Variants in PDE11A observed in about 807,000 individuals in gnomAD.
PDE11A encodes the protein phosphodiesterase 11A, also known as dual 3',5'-cyclic-AMP and -GMP phosphodiesterase 11A.
PDE11A carries 100 observed loss-of-function variants against 100.5 expected under a neutral mutation model. The ratio of observed to expected loss-of-function variants is 1.00; its 90% confidence interval spans 0.85 to 1.18. PDE11A has a LOEUF of 1.18. Ranked by LOEUF, PDE11A falls within the 50% of genes most tolerant of loss-of-function variation. The pLI, the probability that PDE11A is intolerant of heterozygous loss-of-function variation, is 0.00. For missense variants in PDE11A, 1,141 were observed against 1,152.6 expected, an observed-to-expected ratio of 0.99 and a Z score of 0.15; for synonymous variants, 381 against 420.8, an observed-to-expected ratio of 0.91 and a Z score of 1.16.
At chr2:177,996,293 T>C (rs1173649421) in intron 2 of PDE11A, among the ~76,000 whole-genome samples, 20 of 151,146 alleles carry the variant, frequency 1.3e-4, no homozygotes, top group Admixed American at 1.3e-3. Flanking sequence ...TAAATAACAA[T>C]AATCATGTAA....
chr2:177,916,004 G>A (rs1384165208), intron 2 of PDE11A, among the ~76,000 whole-genome samples: 1 of 152,090 alleles, frequency 6.6e-6, no homozygotes, highest in African/African-American at 2.4e-5. Flanking sequence ...CCAATTACCC[G>A]AACATGAAAT....
chr2:177,701,537 TA>T (rs1196460221), intron 13 of PDE11A, among the ~76,000 whole-genome samples: 1 of 151,986 alleles, frequency 6.6e-6, no homozygotes, highest in Non-Finnish European at 1.5e-5. Flanking sequence ...ATAATGCACA[TA>T]AAAACAATGC....
At chr2:177,741,998 CT>C (rs1384758205) in intron 10 of PDE11A, among the ~76,000 whole-genome samples, 3 of 149,544 alleles carry the variant, frequency 2.0e-5, no homozygotes, top group African/African-American at 7.4e-5. Context: ...CAACACTGCA[CT>C]GCAGCAGCCT....
chr2:177,660,942 C>T (rs987898661), intron 19 of PDE11A, among the ~76,000 whole-genome samples: 1 of 152,198 alleles, frequency 6.6e-6, no homozygotes. Context: ...CTGCCAAACT[C>T]GCTGTTCTGT....
At chr2:177,636,887 G>A (rs1253391123) in intron 19 of PDE11A, among the ~76,000 whole-genome samples, 2 of 152,086 alleles carry the variant, frequency 1.3e-5, no homozygotes, top group African/African-American at 4.8e-5. Flanking sequence ...GCATTATCTC[G>A]TCTCCATCAG....
chr2:178,006,553 A>G (rs17635803), intron 2 of PDE11A, among the ~76,000 whole-genome samples: 8,449 of 152,240 alleles, frequency 0.055, 295 homozygotes, highest in South Asian at 0.093. Context: ...TCCAATAGAA[A>G]AAAAATCCCT....
At chr2:178,060,405 C>T (rs777900669) in intron 1 of PDE11A, among the ~76,000 whole-genome samples, 1 of 152,202 alleles carries the variant, frequency 6.6e-6, no homozygotes, top group African/African-American at 2.4e-5. Flanking sequence ...AATGTTTTGG[C>T]ATATTGACCT....
Position 177,730,735 on chromosome 2 carries a change from T to C in PDE11A, c.1789-2563A>G, listed in dbSNP as rs1288975506. Among the ~76,000 whole-genome samples the C allele has an allele frequency of 4.6e-5, 7 of 152,324 alleles. No homozygotes were observed. In the East Asian group the frequency reaches 1.2e-3, roughly 25 times the overall value. On this transcript the variant is annotated intron_variant, in intron 10 of 19. Coordinates refer to ENST00000286063, the MANE Select transcript of PDE11A (RefSeq NM_016953.4). ...TCTCTTACCTGCCTGAGGATGTGAA[T>C]GACAATTCTATTTGTCATTTTCTTC...
chr2:177,850,261 C>G (rs984386287), intron 5 of PDE11A, among the ~76,000 whole-genome samples: 55 of 152,154 alleles, frequency 3.6e-4, no homozygotes, highest in African/African-American at 1.2e-3. Flanking sequence ...CTTTGACAAA[C>G]CTGAGAAAAA....
At chr2:177,805,039 C>T (rs762832474) in intron 9 of PDE11A, among the ~76,000 whole-genome samples, 14 of 151,216 alleles carry the variant, frequency 9.3e-5, no homozygotes, top group Non-Finnish European at 1.5e-4. Context: ...CATAATATAT[C>T]CATGTAAGAA....
intron 1 of PDE11A, among the ~76,000 whole-genome samples, chr2:178,048,658 A>C (rs1185159387): frequency 6.6e-6 from 1 of 152,098 alleles, no homozygotes; most frequent in Non-Finnish European, 1.5e-5. Context: ...TTCCAAAGGG[A>C]CAGGCCCCTT....
chr2:177,776,342 C>A (rs2082377332), intron 9 of PDE11A, among the ~76,000 whole-genome samples: 1 of 152,128 alleles, frequency 6.6e-6, no homozygotes, highest in Admixed American at 6.5e-5. Flanking sequence ...CTTCTACATG[C>A]TCCAAATTAA....
At chr2:178,105,680 T>C (rs937087452) in intron 1 of PDE11A, 12 of 820,442 alleles carry the variant, frequency 1.5e-5, no homozygotes, top group East Asian at 9.3e-5. Flanking sequence ...GATGGCATAA[T>C]GAAGGCCCTG....
chr2:178,078,229 C>T (rs1027390844), intron 2 of PDE11A, among the ~76,000 whole-genome samples: 8 of 152,032 alleles, frequency 5.3e-5, no homozygotes, highest in African/African-American at 1.9e-4. Flanking sequence ...TTTCAAATGT[C>T]ACACATATTA....
intron 2 of PDE11A, among the ~76,000 whole-genome samples, chr2:178,010,275 C>T (rs2086260369): frequency 6.6e-6 from 1 of 152,316 alleles, no homozygotes; most frequent in South Asian, 2.1e-4. Flanking sequence ...TTCCTTTTTG[C>T]TTCCTTGTTT....
intron 2 of PDE11A, among the ~76,000 whole-genome samples, chr2:177,916,023 A>AAT (rs2105747893): frequency 6.6e-6 from 1 of 152,190 alleles, no homozygotes; most frequent in South Asian, 2.1e-4. Flanking sequence ...ATACACCTAT[A>AAT]ATACATTCTT....
At chr2:177,955,551 G>C (rs2085550995) in intron 2 of PDE11A, among the ~76,000 whole-genome samples, 1 of 152,176 alleles carries the variant, frequency 6.6e-6, no homozygotes, top group Non-Finnish European at 1.5e-5. Flanking sequence ...TTGAAGAGCT[G>C]GTTAAACAGC....
At chr2:177,797,982 A>G (rs910818142) in intron 9 of PDE11A, among the ~76,000 whole-genome samples, 4 of 152,128 alleles carry the variant, frequency 2.6e-5, no homozygotes, top group African/African-American at 9.7e-5. Context: ...CCTTCATGTA[A>G]CACAAGCATC....
intron 1 of PDE11A, among the ~76,000 whole-genome samples, chr2:178,033,244 C>T (rs188665157): frequency 7.4e-4 from 112 of 152,204 alleles, no homozygotes; most frequent in African/African-American, 2.6e-3. Context: ...CGAGAACTTC[C>T]TGTAGCATAC....
Sources: gnomAD v4.1 joint callset for allele counts (sites outside exome capture counted in the v4.1 genomes callset) on GRCh38, gnomAD v4.1.1 for gene constraint, MANE v1.5 for transcripts, NCBI Gene and HGNC (gene_info 2026-07-23, HGNC 2026-07-21) for gene names.